Variants in SGCZ observed in about 807,000 individuals in gnomAD.
The protein encoded by SGCZ is sarcoglycan zeta.
In SGCZ, 40 loss-of-function variants were observed where a neutral mutation model predicts 41.3. That is an observed-to-expected ratio of 0.97 (90% CI 0.75 to 1.26). The LOEUF (loss-of-function observed/expected upper bound fraction) is 1.26. SGCZ is among the 50% of genes most tolerant of loss of function. The pLI is 0.00. For synonymous variants in SGCZ, 206 were observed against 137.5 expected (o/e 1.50, Z -3.49); for missense variants, 552 against 369.8 (o/e 1.49, Z -4.04).
intron 1 of SGCZ, among the ~76,000 whole-genome samples, chr8:14,919,486 G>T (rs185747830): frequency 6.6e-5 from 10 of 152,224 alleles, no homozygotes; most frequent in Admixed American, 2.0e-4. Context: ...GTGTCAATTT[G>T]ATACATATTG....
chr8:14,557,807 C>A (rs1357754177), intron 1 of SGCZ, among the ~76,000 whole-genome samples: 1 of 151,836 alleles, frequency 6.6e-6, no homozygotes, highest in South Asian at 2.1e-4. Context: ...AAGAAAATAA[C>A]CAAGATCAGA....
intron 1 of SGCZ, among the ~76,000 whole-genome samples, chr8:14,860,704 G>GAA (rs1310291766): frequency 1.8e-5 from 2 of 108,330 alleles, no homozygotes; most frequent in African/African-American, 8.2e-5. Context: ...AGGAAAGAAA[G>GAA]AAAGAGAAAG....
intron 1 of SGCZ, among the ~76,000 whole-genome samples, chr8:14,912,979 T>C (rs1410015244): frequency 6.6e-6 from 1 of 152,070 alleles, no homozygotes; most frequent in East Asian, 1.9e-4. Context: ...TTGGTTTTAG[T>C]TAGTAATTAA....
chr8:14,634,273 GA>G (rs1806755327), intron 1 of SGCZ, among the ~76,000 whole-genome samples: 1 of 151,744 alleles, frequency 6.6e-6, no homozygotes, highest in South Asian at 2.1e-4. Flanking sequence ...GAATTGGGGG[GA>G]AAACAGCATT....
chr8:14,453,743 G>A (rs1358484178), intron 2 of SGCZ, among the ~76,000 whole-genome samples: 1 of 152,194 alleles, frequency 6.6e-6, no homozygotes, highest in Non-Finnish European at 1.5e-5. Context: ...CTTTAACAAT[G>A]TTCAGAAATG....
chr8:14,387,791 G>C (rs1804628480), intron 2 of SGCZ, among the ~76,000 whole-genome samples: 1 of 151,886 alleles, frequency 6.6e-6, no homozygotes, highest in Non-Finnish European at 1.5e-5. Flanking sequence ...GTTCTATTTA[G>C]GTTACAATGA....
At position 14,534,255 on chromosome 8, in the gene SGCZ, A is replaced by T. The variant is rs966965598; in HGVS notation, c.234+20477T>A. 2.0e-5 allele frequency among the ~76,000 whole-genome samples: 3 copies of T among 151,938 alleles called. No individual in the cohort carries two copies. In the Admixed American group the frequency reaches 2.0e-4, roughly 10 times the overall value. On this transcript the variant is annotated intron_variant, in intron 2 of 7. Coordinates refer to ENST00000382080, the MANE Select transcript of SGCZ (RefSeq NM_139167.4). Reference sequence around the variant, plus strand: ...GAGCTGGCTGGCACAGAGAAGAGGGAAGCAGGTGCAGAAACAGAAGAAGGG... The same window carrying T: ...GAGCTGGCTGGCACAGAGAAGAGGGTAGCAGGTGCAGAAACAGAAGAAGGG...
intron 1 of SGCZ, among the ~76,000 whole-genome samples, chr8:14,899,004 C>T (rs543370685): frequency 1.3e-5 from 2 of 152,198 alleles, no homozygotes; most frequent in East Asian, 3.9e-4. Context: ...AGATGATTCA[C>T]TTTTTGAATA....
intron 1 of SGCZ, among the ~76,000 whole-genome samples, chr8:14,769,811 AAAAAC>A (rs1800173880): frequency 6.7e-6 from 1 of 149,768 alleles, no homozygotes; most frequent in Admixed American, 6.7e-5. Flanking sequence ...AAAAAAAAAA[AAAAAC>A]CCAGCAACAA....
intron 1 of SGCZ, among the ~76,000 whole-genome samples, chr8:14,576,478 T>A (rs1299476452): frequency 6.6e-6 from 1 of 152,188 alleles, no homozygotes; most frequent in Non-Finnish European, 1.5e-5. Flanking sequence ...AGAAGTTAGC[T>A]AAGTTAATGT....
chr8:14,422,234 A>T (rs557474664), intron 2 of SGCZ, among the ~76,000 whole-genome samples: 38 of 152,310 alleles, frequency 2.5e-4, no homozygotes, highest in Non-Finnish European at 4.0e-4. Flanking sequence ...AGATTAAATA[A>T]AGCAAATTTT....
chr8:15,179,676 G>C (rs1047866307), intron 1 of SGCZ, among the ~76,000 whole-genome samples: 2 of 152,114 alleles, frequency 1.3e-5, no homozygotes, highest in Non-Finnish European at 2.9e-5. Flanking sequence ...TACTGTTTTG[G>C]TATAACCCTG....
chr8:14,803,277 C>G (rs1477685354), intron 1 of SGCZ, among the ~76,000 whole-genome samples: 1 of 152,106 alleles, frequency 6.6e-6, no homozygotes, highest in Non-Finnish European at 1.5e-5. Flanking sequence ...GCGTGAGCGA[C>G]GCAGAAGACG....
chr8:14,834,633 G>T (rs2130610512), intron 1 of SGCZ, among the ~76,000 whole-genome samples: 1 of 152,310 alleles, frequency 6.6e-6, no homozygotes. Flanking sequence ...GCCTTTTTAT[G>T]ATCGCACTTT....
Position 14,439,093 on chromosome 8 carries a change from T to TA in SGCZ, c.235-114890_235-114889insT, listed in dbSNP as rs567447700. ...TGGCAATATTAGCTTCTTGATAACA[T>TA]CAAGGAGGAAAAGATTCGATTCCCC... On this transcript the variant is annotated intron_variant, in intron 2 of 7. Transcript: ENST00000382080. Among the ~76,000 whole-genome samples, 907 of 152,058 alleles carry TA rather than the reference T, an allele frequency of 6.0e-3. 9 individuals carry two copies. Among genetic ancestry groups the TA allele is most frequent in the African/African-American group, 0.021 (860 of 41,540 alleles).
intron 1 of SGCZ, among the ~76,000 whole-genome samples, chr8:14,641,226 T>A (rs1807016137): frequency 6.6e-6 from 1 of 151,642 alleles, no homozygotes; most frequent in Non-Finnish European, 1.5e-5. Flanking sequence ...GCTTAGTCTA[T>A]TACAGCTTTA....
At position 14,894,972 on chromosome 8, in the gene SGCZ, A is replaced by C. The variant is rs1463225086; in HGVS notation, c.40-340046T>G. On this transcript the variant is annotated intron_variant, in intron 1 of 7. Transcript: ENST00000382080. The stretch of plus-strand genomic sequence containing the variant: ...ACAAGTGGATGCTAAATGCAAAAAA[A>C]TCTTTATATCTTCCATACATAATGC... Among the ~76,000 whole-genome samples the C allele has an allele frequency of 2.0e-5, 3 of 152,164 alleles. No individual in the cohort carries two copies. In the East Asian group the frequency reaches 5.8e-4, roughly 29 times the overall value.
chr8:14,500,251 T>G (rs1802111571), intron 2 of SGCZ, among the ~76,000 whole-genome samples: 1 of 152,104 alleles, frequency 6.6e-6, no homozygotes, highest in African/African-American at 2.4e-5. Context: ...TAATGTAGTT[T>G]GAGCACGTGG....
intron 3 of SGCZ, among the ~76,000 whole-genome samples, chr8:14,299,023 C>G (rs1290252110): frequency 6.6e-6 from 1 of 151,872 alleles, no homozygotes; most frequent in Non-Finnish European, 1.5e-5. Flanking sequence ...GAACCGAATC[C>G]AGAAAAAGAC....
Sources: gnomAD v4.1 joint callset for allele counts (sites outside exome capture counted in the v4.1 genomes callset) on GRCh38, gnomAD v4.1.1 for gene constraint, MANE v1.5 for transcripts, NCBI Gene and HGNC (gene_info 2026-07-23, HGNC 2026-07-21) for gene names.